Variants in CFAP54 observed in about 807,000 individuals in gnomAD.
CFAP54 encodes cilia and flagella associated protein 54, also known as cilia- and flagella-associated protein 54.
CFAP54 carries 290 observed loss-of-function variants against 370.4 expected under a neutral mutation model. That is an observed-to-expected ratio of 0.78 (90% CI 0.71 to 0.86). The LOEUF (loss-of-function observed/expected upper bound fraction) is 0.86. Ranked by LOEUF, CFAP54 falls within the 40% of genes least tolerant of loss-of-function variation. The pLI, the probability that CFAP54 is intolerant of heterozygous loss-of-function variation, is 0.00. For synonymous variants in CFAP54, 1,206 were observed against 1,236.5 expected, an observed-to-expected ratio of 0.98 and a Z score of 0.52; for missense variants, 3,399 against 3,528.7, an observed-to-expected ratio of 0.96 and a Z score of 0.93.
At chr12:96,720,673 A>G in intron 50 of CFAP54, 108 bp downstream of exon 50, 2 of 893,728 alleles carry the variant, frequency 2.2e-6, no homozygotes, top group South Asian at 4.2e-5. Flanking sequence ...TCCTATATCC[A>G]TAGTATGCTT....
chr12:96,511,553 GGTGT>G (rs1456020128), intron 4 of CFAP54, among the ~76,000 whole-genome samples: 1 of 152,086 alleles, frequency 6.6e-6, no homozygotes, highest in Non-Finnish European at 1.5e-5. Flanking sequence ...CCTGACCTCA[GGTGT>G]TTTGCCCCCT....
At chr12:96,635,900 C>T (rs141305948) in intron 32 of CFAP54, among the ~76,000 whole-genome samples, 82 of 152,250 alleles carry the variant, frequency 5.4e-4, no homozygotes, top group African/African-American at 1.9e-3. Context: ...GGAGCACCAC[C>T]CTCCTAGCTT....
At chr12:96,537,140 T>C (rs4556595) in intron 12 of CFAP54, among the ~76,000 whole-genome samples, 61,470 of 152,004 alleles carry the variant, frequency 0.4, 12,933 homozygotes, top group South Asian at 0.46. Flanking sequence ...AACTCATTAT[T>C]TTTCTAATTT....
At chr12:96,781,235 A>C (rs193199225) in intron 60 of CFAP54, among the ~76,000 whole-genome samples, 1 of 152,158 alleles carries the variant, frequency 6.6e-6, no homozygotes, top group African/African-American at 2.4e-5. Context: ...AAAAGTGCAA[A>C]TATTACTTCT....
At chr12:96,572,409 T>G (rs1026012760) in intron 19 of CFAP54, among the ~76,000 whole-genome samples, 4 of 151,952 alleles carry the variant, frequency 2.6e-5, no homozygotes, top group African/African-American at 9.6e-5. Flanking sequence ...TTCTGAGGCG[T>G]GAAATAACAG....
chr12:96,726,868 A>G (rs1957846950), intron 50 of CFAP54, among the ~76,000 whole-genome samples: 1 of 151,534 alleles, frequency 6.6e-6, no homozygotes, highest in Non-Finnish European at 1.5e-5. Flanking sequence ...AGATTCTGGT[A>G]TGTTGTGTCT....
intron 20 of CFAP54, among the ~76,000 whole-genome samples, chr12:96,578,086 T>C (rs1955998413): frequency 6.6e-6 from 1 of 152,088 alleles, no homozygotes. Flanking sequence ...AATGAAATGA[T>C]AGACTGTGAT....
intron 19 of CFAP54, among the ~76,000 whole-genome samples, chr12:96,570,315 C>CT (rs111559723): frequency 0.019 from 2,764 of 142,938 alleles, 90 homozygotes; most frequent in African/African-American, 0.063. Context: ...TTTTTCTTTT[C>CT]TTTTTTTTTT....
intron 52 of CFAP54, 121 bp from the exon 53 acceptor site, chr12:96,743,281 A>G (rs1166337260): frequency 1.1e-6 from 1 of 948,006 alleles, no homozygotes; most frequent in Non-Finnish European, 1.5e-6. Flanking sequence ...TTTCCATCTT[A>G]ATATACTCCC....
At position 96,655,116 on chromosome 12, in the gene CFAP54, G is replaced by C. The variant is rs140533344; in HGVS notation, c.5101-2766G>C. ...CTTACTAAAGCTATGGTAATTAGGA[G>C]AGTATGATACTGACCTAAAGAGAGA... On this transcript the variant is annotated intron_variant, in intron 36 of 67. Coordinates refer to ENST00000524981, the MANE Select transcript of CFAP54 (RefSeq NM_001306084.2). Among the ~76,000 whole-genome samples the C allele has an allele frequency of 2.8e-3, 419 of 151,884 alleles. 2 individuals are homozygous for C. Among genetic ancestry groups the C allele is most frequent in the African/African-American group, 9.6e-3 (399 of 41,498 alleles).
intron 56 of CFAP54, among the ~76,000 whole-genome samples, chr12:96,755,630 G>A (rs1347431297): frequency 6.7e-6 from 1 of 148,956 alleles, no homozygotes; most frequent in East Asian, 2.0e-4. Flanking sequence ...ATAGTATTCC[G>A]TTGTGTATAT....
At chr12:96,562,397 A>T (rs193182016) in intron 17 of CFAP54, among the ~76,000 whole-genome samples, 47 of 146,880 alleles carry the variant, frequency 3.2e-4, no homozygotes, top group Admixed American at 2.2e-3. Context: ...AATTTGATAC[A>T]TACTTGTGAC....
intron 50 of CFAP54, among the ~76,000 whole-genome samples, chr12:96,729,025 C>T (rs1429702044): frequency 4.6e-5 from 7 of 152,268 alleles, no homozygotes; most frequent in African/African-American, 7.2e-5. Context: ...GCTGTCTGAT[C>T]GTTCTTCTGG....
chr12:96,496,393 T>G (rs893220713), intron 1 of CFAP54, among the ~76,000 whole-genome samples: 6 of 152,148 alleles, frequency 3.9e-5, no homozygotes, highest in Admixed American at 1.3e-4. Context: ...CAACAGAAAT[T>G]TATTTATTTT....
In CFAP54 at chr12:96,621,718, G is replaced by A. The variant is rs573837653; in HGVS notation, c.3768G>A (p.Glu1256=). 5.7e-5 allele frequency: 86 copies of A among 1,520,576 alleles called. No individual in the cohort carries two copies. The South Asian group carries it at 7.6e-4, about 13-fold the overall frequency. 94.2% of individuals were successfully genotyped at this position (1,520,576 alleles called of 1,614,324 possible). Residue 1256 remains glutamate, a synonymous_variant, in exon 27 of 68, where the codon GAG becomes GAA. Coordinates refer to ENST00000524981, the MANE Select transcript of CFAP54 (RefSeq NM_001306084.2). ...DGSNEQEEMP[E]EDSSKKSLKT... Reference sequence around the variant, plus strand: ...GTAATGAACAAGAAGAAATGCCAGAGGAGGTAATTGTTTTTGTTTCTCATT... The same window carrying A: ...GTAATGAACAAGAAGAAATGCCAGAAGAGGTAATTGTTTTTGTTTCTCATT...
At chr12:96,767,209 G>T (rs567715207) in intron 60 of CFAP54, among the ~76,000 whole-genome samples, 1 of 152,136 alleles carries the variant, frequency 6.6e-6, no homozygotes, top group Non-Finnish European at 1.5e-5. Context: ...CCAAACTATC[G>T]CATATGACAA....
At chr12:96,656,702 C>T (rs546125231) in intron 36 of CFAP54, among the ~76,000 whole-genome samples, 4 of 152,180 alleles carry the variant, frequency 2.6e-5, no homozygotes, top group Non-Finnish European at 5.9e-5. Context: ...TGTTGATAAA[C>T]ACTATATTAG....
intron 42 of CFAP54, among the ~76,000 whole-genome samples, chr12:96,686,707 A>G (rs1295070142): frequency 6.6e-6 from 1 of 151,838 alleles, no homozygotes; most frequent in African/African-American, 2.4e-5. Context: ...TGATCCTAAC[A>G]CCTCCTGTCA....
chr12:96,611,185 G>A (rs546310688), intron 26 of CFAP54, among the ~76,000 whole-genome samples: 144 of 152,308 alleles, frequency 9.5e-4, no homozygotes, highest in African/African-American at 3.3e-3. Flanking sequence ...CCTCTGAGAC[G>A]AAGCTTCCAG....
Sources: allele counts gnomAD v4.1 joint callset (sites outside exome capture counted in the v4.1 genomes callset), GRCh38; gene constraint gnomAD v4.1.1; transcripts MANE v1.5; gene names NCBI Gene and HGNC (gene_info 2026-07-23, HGNC 2026-07-21).